DAB1: variants seen among roughly 807,000 people sequenced by gnomAD.
The protein encoded by DAB1 is DAB adaptor protein 1.
Under a neutral mutation model 64.6 loss-of-function variants are expected in DAB1, and 15 were observed. The observed-to-expected ratio is 0.23, with a 90% CI of 0.16 to 0.36. The LOEUF (loss-of-function observed/expected upper bound fraction) is 0.36. Ranked by LOEUF, DAB1 falls within the 10% of genes least tolerant of loss-of-function variation. The pLI, the probability that DAB1 is intolerant of heterozygous loss-of-function variation, is 1.00. For synonymous variants in DAB1, 235 were observed against 251.9 expected, an observed-to-expected ratio of 0.93 and a Z score of 0.64; for missense variants, 596 against 706.7, an observed-to-expected ratio of 0.84 and a Z score of 1.78.
At chr1:57,152,883 G>A (rs1659828131) in intron 2 of DAB1, among the ~76,000 whole-genome samples, 1 of 152,048 alleles carries the variant, frequency 6.6e-6, no homozygotes. Flanking sequence ...TTGAACCCAG[G>A]TCTTCATAAA....
At chr1:57,439,418 G>GTGTTTTTT (rs1685823935) in intron 7 of DAB1, among the ~76,000 whole-genome samples, 1 of 116,140 alleles carries the variant, frequency 8.6e-6, no homozygotes, top group African/African-American at 3.5e-5. Context: ...TGGTGATGAG[G>GTGTTTTTT]TTTTTTCTTT....
intron 4 of DAB1, among the ~76,000 whole-genome samples, chr1:58,246,969 G>C (rs1223305556): frequency 1.3e-5 from 2 of 152,050 alleles, no homozygotes; most frequent in Admixed American, 6.6e-5. Flanking sequence ...CGGCCAGATG[G>C]TGAAAGGCCT....
chr1:58,381,326 G>A (rs1409246639), intron 3 of DAB1, among the ~76,000 whole-genome samples: 1 of 152,096 alleles, frequency 6.6e-6, no homozygotes, highest in Non-Finnish European at 1.5e-5. Flanking sequence ...AAAAAAAGAT[G>A]GGAGAAGTAG....
chr1:58,018,246 T>C (rs1646770240), intron 5 of DAB1, among the ~76,000 whole-genome samples: 1 of 152,112 alleles, frequency 6.6e-6, no homozygotes, highest in Non-Finnish European at 1.5e-5. Context: ...TATCTCCTTC[T>C]TCCTACCTCC....
intron 3 of DAB1, among the ~76,000 whole-genome samples, chr1:58,394,924 T>TA (rs1419036872): frequency 4.0e-5 from 6 of 151,282 alleles, no homozygotes; most frequent in East Asian, 1.9e-4. Context: ...AAGCCGATTT[T>TA]AAAAAAAGCA....
intron 9 of DAB1, among the ~76,000 whole-genome samples, chr1:57,045,183 G>A (rs1485222040): frequency 6.6e-6 from 1 of 152,178 alleles, no homozygotes; most frequent in African/African-American, 2.4e-5. Flanking sequence ...AGGGTGAGTG[G>A]TTAGGGTTCT....
intron 5 of DAB1, among the ~76,000 whole-genome samples, chr1:57,891,010 A>C (rs967031484): frequency 1.3e-5 from 2 of 152,244 alleles, no homozygotes; most frequent in African/African-American, 4.8e-5. Flanking sequence ...CAAAATTGAT[A>C]AATGGGATCT....
At chr1:58,128,565 C>T (rs1192981251) in intron 5 of DAB1, among the ~76,000 whole-genome samples, 1 of 131,984 alleles carries the variant, frequency 7.6e-6, no homozygotes, top group African/African-American at 2.9e-5. Context: ...CCAGTTTTTG[C>T]CCATTCAGTA....
chr1:58,457,094 C>T (rs907165800), intron 3 of DAB1, among the ~76,000 whole-genome samples: 4 of 152,230 alleles, frequency 2.6e-5, no homozygotes, highest in Admixed American at 1.3e-4. Flanking sequence ...TTAAAGTTTG[C>T]CCTGTTCCAT....
intron 5 of DAB1, chr1:58,084,381 A>T (rs1183470586): frequency 6.5e-6 from 1 of 153,060 alleles, no homozygotes; most frequent in African/African-American, 2.4e-5. Context: ...GGGCACCGTC[A>T]TCTCCTTTCT....
chr1:57,372,384 T>C (rs1291716616), intron 1 of DAB1, among the ~76,000 whole-genome samples: 2 of 152,218 alleles, frequency 1.3e-5, no homozygotes, highest in African/African-American at 4.8e-5. Flanking sequence ...ACATGGGACC[T>C]GAGGCCTAAT....
At chr1:57,277,844 A>G (rs1476186864) in intron 2 of DAB1, among the ~76,000 whole-genome samples, 1 of 152,200 alleles carries the variant, frequency 6.6e-6, no homozygotes, top group Non-Finnish European at 1.5e-5. Context: ...TCTGCCATTC[A>G]TCATCTACTG....
chr1:57,513,358 T>C (rs553320201), intron 7 of DAB1, among the ~76,000 whole-genome samples: 23 of 152,196 alleles, frequency 1.5e-4, no homozygotes, highest in Non-Finnish European at 2.8e-4. Context: ...CTTAATGAGG[T>C]CCCTCCCAAC....
intron 7 of DAB1, among the ~76,000 whole-genome samples, chr1:57,434,599 A>G (rs1271045996): frequency 6.6e-6 from 1 of 152,224 alleles, no homozygotes; most frequent in Non-Finnish European, 1.5e-5. Context: ...CGACAGGGAT[A>G]TGCTCTGAGA....
intron 2 of DAB1, among the ~76,000 whole-genome samples, chr1:57,151,178 C>T (rs900485267): frequency 6.6e-6 from 1 of 152,016 alleles, no homozygotes; most frequent in Non-Finnish European, 1.5e-5. Flanking sequence ...TGTTCTTAGA[C>T]CACAAGGTCT....
At chr1:57,269,485 C>G (rs1022554520) in intron 2 of DAB1, among the ~76,000 whole-genome samples, 1 of 152,178 alleles carries the variant, frequency 6.6e-6, no homozygotes, top group South Asian at 2.1e-4. Context: ...TGTCACCCCC[C>G]TCCCTGGCCA....
chr1:57,945,076 A>G (rs2100214668), intron 5 of DAB1, among the ~76,000 whole-genome samples: 1 of 152,188 alleles, frequency 6.6e-6, no homozygotes, highest in South Asian at 2.1e-4. Context: ...GTCCCTCCCA[A>G]TCACCTTTCT....
At chr1:57,055,499 TAA>T (rs1649656450) in intron 9 of DAB1, among the ~76,000 whole-genome samples, 1 of 152,066 alleles carries the variant, frequency 6.6e-6, no homozygotes, top group Non-Finnish European at 1.5e-5. Flanking sequence ...AAGAGGAAAG[TAA>T]AGAGATGGAA....
intron 7 of DAB1, among the ~76,000 whole-genome samples, chr1:57,448,876 C>G (rs12045017): frequency 0.52 from 78,324 of 151,904 alleles, 20,412 homozygotes; most frequent in Admixed American, 0.61. Flanking sequence ...TCCTAAATTA[C>G]TTAACTTCAT....
Sources: gnomAD v4.1 joint callset for allele counts (sites outside exome capture counted in the v4.1 genomes callset) on GRCh38, gnomAD v4.1.1 for gene constraint, MANE v1.5 for transcripts, NCBI Gene and HGNC (gene_info 2026-07-23, HGNC 2026-07-21) for gene names.